RBFOX1: variants seen among roughly 807,000 people sequenced by gnomAD.
RBFOX1 encodes the protein RNA binding protein fox-1 homolog 1.
In RBFOX1, 8 loss-of-function variants were observed where a neutral mutation model predicts 57.7. That is an observed-to-expected ratio of 0.14 (90% CI 0.08 to 0.25). The LOEUF (loss-of-function observed/expected upper bound fraction) is 0.25, where lower values mean the gene tolerates loss of function less well. RBFOX1 is among the 10% of genes least tolerant of loss of function. RBFOX1 has a pLI of 1.00. For missense variants in RBFOX1, 611 were observed against 548.5 expected, an observed-to-expected ratio of 1.11 and a Z score of -1.14; for synonymous variants, 326 against 222.4, an observed-to-expected ratio of 1.47 and a Z score of -4.15.
chr16:6,814,061 G>A lies in RBFOX1; in HGVS notation c.-16+159411G>A, dbSNP rs192804404. Among the ~76,000 whole-genome samples the A allele has an allele frequency of 2.0e-5, 3 of 152,260 alleles. No homozygotes were observed. The East Asian group carries it at 5.8e-4, about 29-fold the overall frequency. ...CAAACATAACAACTTGTCCTGGAGTGAAAAGCAGATGTATAATTTCTCTCA... is the reference window on the plus strand; with the variant it reads ...CAAACATAACAACTTGTCCTGGAGTAAAAAGCAGATGTATAATTTCTCTCA... On this transcript the variant is annotated intron_variant, in intron 3 of 15. Coordinates refer to ENST00000550418, the MANE Select transcript of RBFOX1 (RefSeq NM_018723.4).
chr16:6,265,758 G>A (rs957477718), intron 1 of RBFOX1, among the ~76,000 whole-genome samples: 1 of 152,034 alleles, frequency 6.6e-6, no homozygotes, highest in Non-Finnish European at 1.5e-5. Context: ...TGTACTTTTA[G>A]CTTCAGCCTT....
At chr16:5,978,593 G>T (rs1472765968) in intron 4 of RBFOX1, among the ~76,000 whole-genome samples, 2 of 151,646 alleles carry the variant, frequency 1.3e-5, no homozygotes, top group African/African-American at 2.4e-5. Context: ...GTACCACATT[G>T]CATTTGGTTA....
chr16:6,167,607 G>A (rs1462696065), intron 1 of RBFOX1, among the ~76,000 whole-genome samples: 1 of 152,124 alleles, frequency 6.6e-6, no homozygotes, highest in Non-Finnish European at 1.5e-5. Context: ...AGGAATTTCA[G>A]GAGACCAAAA....
intron 1 of RBFOX1, among the ~76,000 whole-genome samples, chr16:6,143,476 C>G (rs1208476605): frequency 6.6e-6 from 1 of 152,152 alleles, no homozygotes; most frequent in Non-Finnish European, 1.5e-5. Flanking sequence ...TGAAGGCTGT[C>G]CTTGTTTGTG....
At chr16:7,012,960 C>T (rs1301223390) in intron 3 of RBFOX1, among the ~76,000 whole-genome samples, 3 of 152,080 alleles carry the variant, frequency 2.0e-5, no homozygotes, top group African/African-American at 7.2e-5. Context: ...GGCAGATGGC[C>T]ACCTTCTCAA....
chr16:5,808,795 A>C (rs774225373), intron 3 of RBFOX1, among the ~76,000 whole-genome samples: 60 of 152,270 alleles, frequency 3.9e-4, no homozygotes, highest in Middle Eastern at 3.4e-3. Context: ...GCTGAAGTTG[A>C]TTATCAGCTT....
intron 3 of RBFOX1, among the ~76,000 whole-genome samples, chr16:6,737,977 G>A (rs1307594793): frequency 6.6e-6 from 1 of 151,238 alleles, no homozygotes; most frequent in African/African-American, 2.4e-5. Flanking sequence ...AGAGAAAAGT[G>A]CTAAATAAAT....
intron 1 of RBFOX1, among the ~76,000 whole-genome samples, chr16:5,355,450 A>G (rs922055950): frequency 2.0e-5 from 3 of 152,198 alleles, no homozygotes; most frequent in East Asian, 3.9e-4. Flanking sequence ...GTCAAGGTCA[A>G]TGTCTGGGTC....
intron 1 of RBFOX1, among the ~76,000 whole-genome samples, chr16:5,301,527 G>A (rs987864685): frequency 6.8e-6 from 1 of 146,164 alleles, no homozygotes; most frequent in Non-Finnish European, 1.5e-5. Context: ...GCTGAGGCAG[G>A]AGAATGGCGT....
intron 3 of RBFOX1, among the ~76,000 whole-genome samples, chr16:7,003,685 T>A (rs1273550441): frequency 6.6e-6 from 1 of 152,176 alleles, no homozygotes; most frequent in African/African-American, 2.4e-5. Flanking sequence ...TAGGAAAGCT[T>A]AGTTGATGCT....
Position 6,020,002 on chromosome 16 carries a change from G to A in RBFOX1, c.-127+10G>A, listed in dbSNP as rs2095035223. 5 of 1,516,150 alleles carry A rather than the reference G, an allele frequency of 3.3e-6. No individual in the cohort carries two copies. The highest frequency in any genetic ancestry group is 4.4e-6 in the Non-Finnish European group (5 of 1,133,400). 93.9% of individuals were successfully genotyped at this position (1,516,150 alleles called of 1,614,324 possible). A position where few individuals can be genotyped will look rare whatever the true frequency, so the allele number is the denominator to read the frequency against. ...TCGCCGGGAGTTCTAGGTAAGTCCA[G>A]GCGGAGTCATTGCCTCTGCACCCAC... On this transcript the variant is annotated intron_variant, in intron 1 of 15. Transcript: ENST00000550418.
chr16:6,296,422 ACT>A (rs2078113920), intron 1 of RBFOX1, among the ~76,000 whole-genome samples: 1 of 147,446 alleles, frequency 6.8e-6, no homozygotes, highest in Non-Finnish European at 1.5e-5. Flanking sequence ...GAGGGGATGT[ACT>A]TTTTTTTTTT....
intron 2 of RBFOX1, among the ~76,000 whole-genome samples, chr16:6,373,793 T>C (rs372202719): frequency 1.3e-5 from 2 of 152,266 alleles, no homozygotes; most frequent in Admixed American, 6.5e-5. Context: ...TTGTGTGGGA[T>C]GTGGTCTGCA....
At chr16:7,467,831 T>G (rs1339045372) in intron 4 of RBFOX1, among the ~76,000 whole-genome samples, 2 of 152,220 alleles carry the variant, frequency 1.3e-5, no homozygotes, top group African/African-American at 4.8e-5. Context: ...GAGTCCTTCT[T>G]TGTTTCCTGA....
At chr16:5,637,280 G>A (rs143471107) in intron 3 of RBFOX1, among the ~76,000 whole-genome samples, 13 of 152,250 alleles carry the variant, frequency 8.5e-5, no homozygotes, top group Non-Finnish European at 1.6e-4. Flanking sequence ...TGGGAAAATG[G>A]GGCAAGTGTC....
At chr16:7,087,984 G>A (rs1265386966) in intron 4 of RBFOX1, among the ~76,000 whole-genome samples, 18 of 152,292 alleles carry the variant, frequency 1.2e-4, no homozygotes, top group African/African-American at 3.8e-4. Context: ...CGCATTTTGT[G>A]TAAGGTGATT....
At chr16:5,364,310 C>T (rs529205429) in intron 1 of RBFOX1, among the ~76,000 whole-genome samples, 5 of 152,314 alleles carry the variant, frequency 3.3e-5, no homozygotes, top group South Asian at 2.1e-4. Flanking sequence ...CGCATAGAGT[C>T]CCTGGCTAGG....
intron 1 of RBFOX1, among the ~76,000 whole-genome samples, chr16:6,200,333 AAG>A (rs2097207120): frequency 6.6e-6 from 1 of 152,188 alleles, no homozygotes; most frequent in South Asian, 2.1e-4. Flanking sequence ...TATGCCCCGA[AAG>A]AGAGCAGTTT....
At chr16:5,674,838 G>A (rs549780472) in intron 3 of RBFOX1, among the ~76,000 whole-genome samples, 4 of 152,112 alleles carry the variant, frequency 2.6e-5, no homozygotes, top group East Asian at 1.9e-4. Context: ...CACGTAGTAC[G>A]TTATGTAAAA....
Sources: allele counts gnomAD v4.1 joint callset (sites outside exome capture counted in the v4.1 genomes callset), GRCh38; gene constraint gnomAD v4.1.1; transcripts MANE v1.5; gene names NCBI Gene and HGNC (gene_info 2026-07-23, HGNC 2026-07-21).